ANAPC4: variants seen among roughly 807,000 people sequenced by gnomAD.
ANAPC4 encodes the protein anaphase promoting complex subunit 4.
ANAPC4 carries 63 observed loss-of-function variants against 119.8 expected under a neutral mutation model. That is an observed-to-expected ratio of 0.53 (90% confidence interval 0.43 to 0.65). The LOEUF is 0.65. Ranked by LOEUF, ANAPC4 falls within the 30% of genes least tolerant of loss-of-function variation. ANAPC4 has a pLI of 0.00. For synonymous variants in ANAPC4, 283 were observed against 318.6 expected (o/e 0.89, Z 1.19); for missense variants, 716 against 945.1 (o/e 0.76, Z 3.18).
At chr4:25,414,758 G>A in intron 25 of ANAPC4, 58 bp downstream of exon 25, 1 of 1,372,328 alleles carries the variant, frequency 7.3e-7, no homozygotes. Context: ...TTGTAAGAAT[G>A]AAGCATACAG....
chr4:25,408,878 T>C (rs1723418451), intron 20 of ANAPC4, among the ~76,000 whole-genome samples: 1 of 152,196 alleles, frequency 6.6e-6, no homozygotes, highest in African/African-American at 2.4e-5. Context: ...TGTATAACTC[T>C]CAATTCTGTC....
rs76208088 is a variant in ANAPC4, at chr4:25,407,677, G to A, written c.1431+424G>A. Among the ~76,000 whole-genome samples, 1,043 of 146,678 alleles carry A rather than the reference G, an allele frequency of 7.1e-3. 35 individuals are homozygous for A. The East Asian group carries it at 0.11, about 15-fold the overall frequency. ...GTGAGTTGTTATTTATTGCTGATAGGCATTATTAGGTATTAAAAATTAAAC... is the reference window on the plus strand; with the variant it reads ...GTGAGTTGTTATTTATTGCTGATAGACATTATTAGGTATTAAAAATTAAAC... On this transcript the variant is annotated intron_variant, in intron 20 of 28. Coordinates refer to ENST00000315368, the MANE Select transcript of ANAPC4 (RefSeq NM_013367.3).
chr4:25,414,417 T>A, intron 23 of ANAPC4, 32 bp downstream of exon 23: 2 of 1,596,374 alleles, frequency 1.3e-6, no homozygotes, highest in Non-Finnish European at 1.7e-6. Flanking sequence ...ATGGTGTAAT[T>A]CCGCAGCCAA....
rs1286026174 is a variant in ANAPC4 at position 25,393,684 on chromosome 4, AAC to A, written c.790-119_790-118del. Reference sequence around the variant, plus strand: ...CTCGATAAATAAATAATAAAAATAAAACAGTGATTGAAAGTAAATTCTAGATT... The same window carrying A: ...CTCGATAAATAAATAATAAAAATAAAAGTGATTGAAAGTAAATTCTAGATT... On this transcript the variant is annotated intron_variant, in intron 10 of 28. Transcript: ENST00000315368. The A allele has an allele frequency of 5.4e-6, 3 of 559,750 alleles. No homozygotes were observed. In the African/African-American group the frequency reaches 5.9e-5, roughly 11 times the overall value. 34.7% of individuals were successfully genotyped at this position (559,750 alleles called of 1,614,324 possible). A position where few individuals can be genotyped will look rare whatever the true frequency, so the allele number is the denominator to read the frequency against.
chr4:25,416,656 A>T, intron 27 of ANAPC4, 58 bp downstream of exon 27: 1 of 1,335,124 alleles, frequency 7.5e-7, no homozygotes, highest in Admixed American at 2.4e-5. Flanking sequence ...AATGCACATT[A>T]TAAATTCCAA....
chr4:25,415,132 T>A, intron 25 of ANAPC4: 1 of 213,770 alleles, frequency 4.7e-6, no homozygotes, highest in Non-Finnish European at 9.1e-6. Context: ...AACAGAGACT[T>A]ACTTTGAAAT....
In ANAPC4 at chr4:25,414,652, A is replaced by T. The variant is rs1328315594; in HGVS notation, c.1778A>T (p.Asp593Val). 1 of 1,551,392 alleles carries T rather than the reference A, an allele frequency of 6.4e-7. No homozygotes were observed. The highest frequency in any genetic ancestry group is 1.2e-5 in the South Asian group (1 of 85,214). ...LHYLLFTILE[D>V]SLYKMCILRR... is the part of the protein sequence containing the mutation. ...TATCTTCTTTTTACTATTCTAGAAG[A>T]TTCACTTTATAAAATGTGCATCTTA... The change falls in exon 25 of 29, where the codon GAT (aspartate) becomes GTT (valine). Residue 593 changes from aspartate to valine, a missense_variant. Around this residue, in one of 3 missense-constraint regions of ANAPC4, gnomAD observed 504 missense variants for 615.8 expected, o/e 0.82. Coordinates refer to ENST00000315368, the MANE Select transcript of ANAPC4 (RefSeq NM_013367.3).
intron 20 of ANAPC4, among the ~76,000 whole-genome samples, chr4:25,409,021 T>C (rs315664): frequency 0.9 from 137,050 of 152,282 alleles, 61,969 homozygotes; most frequent in African/African-American, 0.98. Flanking sequence ...GATTTGGGAC[T>C]ACTACCTTGA....
At position 25,413,675 on chromosome 4, in the gene ANAPC4, G is replaced by T; in HGVS notation, c.1556G>T (p.Arg519Leu). ...CCTTTGCTGTTTCCTTATTATCCTC[G>T]AAAATCATTGCATTTTGTGAAAAGG... ...ESPLLFPYYP[R>L]KSLHFVKRRM... Residue 519 changes from arginine (R) to leucine (L), a missense_variant, in exon 22 of 29, where the codon CGA becomes CTA. Arg to Leu is a moderately radical substitution (Grantham distance 102). Transcript: ENST00000315368. 6.2e-7 allele frequency: 1 copy of T among 1,613,190 alleles called. No homozygotes were observed. Among genetic ancestry groups the T allele is most frequent in the Non-Finnish European group, 8.5e-7 (1 of 1,179,612 alleles).
chr4:25,402,159 A>G (rs941366117), intron 16 of ANAPC4, among the ~76,000 whole-genome samples: 1 of 152,152 alleles, frequency 6.6e-6, no homozygotes, highest in African/African-American at 2.4e-5. Flanking sequence ...GCTTAGTAAC[A>G]TAAGAGATGT....
At chr4:25,394,938 T>A (rs1270868666) in intron 14 of ANAPC4, 33 bp downstream of exon 14, 2 of 1,516,708 alleles carry the variant, frequency 1.3e-6, no homozygotes, top group Non-Finnish European at 1.8e-6. Flanking sequence ...TTTGGTATTG[T>A]ATCCACACAT....
chr4:25,385,275 A>C (rs1264325694), intron 4 of ANAPC4, among the ~76,000 whole-genome samples: 1 of 152,250 alleles, frequency 6.6e-6, no homozygotes, highest in Non-Finnish European at 1.5e-5. Flanking sequence ...AAATACATAC[A>C]TACGTATACA....
At chr4:25,393,046 G>A (rs1722441024) in intron 10 of ANAPC4, among the ~76,000 whole-genome samples, 1 of 152,164 alleles carries the variant, frequency 6.6e-6, no homozygotes, top group Admixed American at 6.5e-5. Context: ...GAGACTCAAG[G>A]GCTGAAGAAA....
chr4:25,384,224 G>C (rs1390021767), intron 4 of ANAPC4, among the ~76,000 whole-genome samples: 1 of 152,182 alleles, frequency 6.6e-6, no homozygotes, highest in East Asian at 1.9e-4. Flanking sequence ...TCATGAGATT[G>C]CAGCAGTTCA....
In ANAPC4 at chr4:25,394,337, G is replaced by A. The variant is rs180856282; in HGVS notation, c.904G>A (p.Asp302Asn). 1.0e-5 allele frequency: 16 copies of A among 1,586,612 alleles called. No individual in the cohort carries two copies. Among genetic ancestry groups the A allele is most frequent in the Admixed American group, 2.0e-5 (1 of 50,984 alleles). The change falls in exon 12 of 29, where the codon GAT becomes AAT. Residue 302 changes from aspartate to asparagine, a missense_variant. Asp to Asn is a conservative substitution (Grantham distance 23). Coordinates refer to ENST00000315368, the MANE Select transcript of ANAPC4 (RefSeq NM_013367.3). ...AAAGAACACAACCACATCAGTGCAA[G>A]ATGAGTTCATGCACTTGCTATTATG... ...QEKNTTTSVQ[D>N]EFMHLLLWGK...
intron 2 of ANAPC4, among the ~76,000 whole-genome samples, chr4:25,378,606 C>T (rs191690653): frequency 0.011 from 1,675 of 152,292 alleles, 42 homozygotes; most frequent in African/African-American, 0.038. Flanking sequence ...ACTGTTACAT[C>T]CATTTTCTCA....
chr4:25,386,371 C>T (rs191316270), intron 4 of ANAPC4, among the ~76,000 whole-genome samples: 4 of 152,096 alleles, frequency 2.6e-5, no homozygotes, highest in Admixed American at 2.0e-4. Flanking sequence ...TGCCACCATG[C>T]CCAGCTAATT....
intron 2 of ANAPC4, 74 bp downstream of exon 2, chr4:25,377,630 G>C (rs1158574975): frequency 1.2e-5 from 18 of 1,517,726 alleles, no homozygotes; most frequent in Non-Finnish European, 1.4e-5. Flanking sequence ...GCCCGAGCCT[G>C]TTCATTCGGG....
At chr4:25,385,122 A>G (rs1277593614) in intron 4 of ANAPC4, among the ~76,000 whole-genome samples, 1 of 152,172 alleles carries the variant, frequency 6.6e-6, no homozygotes, top group Non-Finnish European at 1.5e-5. Context: ...AGAACAGTAA[A>G]TGAGTTTTGG....
Sources: allele counts gnomAD v4.1 joint callset (sites outside exome capture counted in the v4.1 genomes callset), GRCh38; gene constraint gnomAD v4.1.1; regional missense constraint gnomAD v4.1.1; transcripts MANE v1.5; gene names NCBI Gene and HGNC (gene_info 2026-07-23, HGNC 2026-07-21).